MSH4: variants seen among roughly 807,000 people sequenced by gnomAD.
The protein encoded by MSH4 is mutS homolog 4, also known as mutS protein homolog 4.
Under a neutral mutation model 113.7 loss-of-function variants are expected in MSH4, and 106 were observed. The ratio of observed to expected loss-of-function variants is 0.93; its 90% CI spans 0.80 to 1.10. The LOEUF is 1.10. Among genes scored for constraint, MSH4 ranks in the 50% least tolerant of loss-of-function variants. MSH4 has a pLI of 0.00. For missense variants in MSH4, 1,061 were observed against 1,093.7 expected (o/e 0.97, Z 0.42); for synonymous variants, 368 against 380.2 (o/e 0.97, Z 0.37).
chr1:75,897,047 C>A (rs1652401187), intron 17 of MSH4, among the ~76,000 whole-genome samples: 1 of 152,076 alleles, frequency 6.6e-6, no homozygotes, highest in South Asian at 2.1e-4. Context: ...TTTTTACTGT[C>A]TTAATATTTA....
chr1:75,874,812 T>G (rs116244830), intron 9 of MSH4, among the ~76,000 whole-genome samples: 1 of 152,310 alleles, frequency 6.6e-6, no homozygotes, highest in East Asian at 1.9e-4. Flanking sequence ...GAAAAAATTA[T>G]GTCTGACATC....
chr1:75,894,425 G>C (rs746587397), intron 17 of MSH4, among the ~76,000 whole-genome samples: 1 of 152,228 alleles, frequency 6.6e-6, no homozygotes, highest in Admixed American at 6.5e-5. Flanking sequence ...GGAGCCTGCA[G>C]TCACCAAGAC....
At chr1:75,896,078 G>A (rs1222395594) in intron 17 of MSH4, among the ~76,000 whole-genome samples, 1 of 152,048 alleles carries the variant, frequency 6.6e-6, no homozygotes, top group Non-Finnish European at 1.5e-5. Flanking sequence ...CCAATAAATT[G>A]AAAGCCTGAA....
At position 75,833,500 on chromosome 1, in the gene MSH4, A is replaced by G. The variant is rs549362799; in HGVS notation, c.1162+10919A>G. 1.7e-3 allele frequency among the ~76,000 whole-genome samples: 261 copies of G among 152,332 alleles called. 1 individual carries two copies. The highest frequency in any genetic ancestry group is 5.8e-3 in the African/African-American group (241 of 41,572). ...CTGGACAATCCTAAACCAAAAGAAC[A>G]AAGATGGAGGCATCACGCTACATGA... On this transcript the variant is annotated intron_variant, in intron 7 of 19. Coordinates refer to ENST00000263187, the MANE Select transcript of MSH4 (RefSeq NM_002440.4).
At chr1:75,833,809 T>G (rs1223060801) in intron 7 of MSH4, among the ~76,000 whole-genome samples, 1 of 152,196 alleles carries the variant, frequency 6.6e-6, no homozygotes, top group Non-Finnish European at 1.5e-5. Flanking sequence ...ACGCAAATGT[T>G]AGACCTAAAA....
intron 7 of MSH4, among the ~76,000 whole-genome samples, chr1:75,825,160 C>T (rs1348067363): frequency 2.0e-5 from 3 of 151,948 alleles, no homozygotes; most frequent in Non-Finnish European, 1.5e-5. Context: ...TTGTAGTTCT[C>T]ATTGAAGAGG....
chr1:75,832,091 T>G (rs71656855), intron 7 of MSH4, among the ~76,000 whole-genome samples: 10,952 of 152,092 alleles, frequency 0.072, 523 homozygotes, highest in African/African-American at 0.13. Flanking sequence ...CAATAAAAAA[T>G]GATAAAGTGG....
In MSH4 at chr1:75,886,600, T is replaced by C. The variant is rs1652122807; in HGVS notation, c.2108-2651T>C. ...TATGTATAATATATAATGTATTATA[T>C]ATTATATAATGTATAATATATAAAT... On this transcript the variant is annotated intron_variant, in intron 15 of 19. Coordinates refer to ENST00000263187, the MANE Select transcript of MSH4 (RefSeq NM_002440.4). 2.4e-5 allele frequency among the ~76,000 whole-genome samples: 3 copies of C among 122,740 alleles called. No homozygotes were observed. The South Asian group carries it at 7.1e-4, about 29-fold the overall frequency. 80.5% of individuals were successfully genotyped at this position (122,740 alleles called of 152,430 possible). A position where few individuals can be genotyped will look rare whatever the true frequency, so the allele number is the denominator to read the frequency against.
chr1:75,825,498 A>G (rs1011210365), intron 7 of MSH4, among the ~76,000 whole-genome samples: 2 of 152,134 alleles, frequency 1.3e-5, no homozygotes, highest in African/African-American at 4.8e-5. Context: ...TTCCAATACT[A>G]TGTTGAATAG....
chr1:75,847,129 A>G (rs1393086386), intron 7 of MSH4, among the ~76,000 whole-genome samples: 1 of 152,174 alleles, frequency 6.6e-6, no homozygotes, highest in Non-Finnish European at 1.5e-5. Flanking sequence ...ACCCACTCTC[A>G]TGATAATAGC....
At chr1:75,874,180 T>C (rs879759463) in intron 9 of MSH4, among the ~76,000 whole-genome samples, 1 of 152,204 alleles carries the variant, frequency 6.6e-6, no homozygotes, top group Non-Finnish European at 1.5e-5. Context: ...ATCAGTGATA[T>C]TGAGCTTTTT....
Position 75,899,677 on chromosome 1 carries a change from A to G in MSH4, c.2590A>G (p.Ile864Val), listed in dbSNP as rs761184627. Reference protein sequence around the residue: ...PPSIVLDAKEITTQITRQILQ... With the variant: ...PPSIVLDAKEVTTQITRQILQ... ...ATCAATTGTCTTGGATGCCAAGGAA[A>G]TCACAACTCAAATTACGAGACAAAT... The change falls in exon 19 of 20, where the codon ATC (isoleucine) becomes GTC (valine). Residue 864 changes from isoleucine to valine, a missense_variant. By Grantham distance (29) the Ile-to-Val change is conservative. Transcript: ENST00000263187. The G allele has an allele frequency of 6.6e-7, 1 of 1,510,798 alleles. No individual in the cohort carries two copies. The highest frequency in any genetic ancestry group is 2.6e-5 in the East Asian group (1 of 38,560). 93.6% of individuals were successfully genotyped at this position (1,510,798 alleles called of 1,614,324 possible). A position where few individuals can be genotyped will look rare whatever the true frequency, so the allele number is the denominator to read the frequency against.
intron 19 of MSH4, among the ~76,000 whole-genome samples, chr1:75,906,812 T>C (rs1652667278): frequency 6.7e-6 from 1 of 149,916 alleles, no homozygotes; most frequent in Admixed American, 6.7e-5. Context: ...CTGTAGTTAC[T>C]ATTTTCATAA....
chr1:75,841,834 G>A (rs1650965570), intron 7 of MSH4, among the ~76,000 whole-genome samples: 2 of 152,126 alleles, frequency 1.3e-5, no homozygotes, highest in African/African-American at 2.4e-5. Context: ...TGTCATAATA[G>A]TATTGTGCCA....
At chr1:75,848,336 T>G (rs1473169416) in intron 8 of MSH4, 60 bp downstream of exon 8, 2 of 1,145,174 alleles carry the variant, frequency 1.7e-6, no homozygotes, top group Non-Finnish European at 2.6e-6. Context: ...GAACTTGTCT[T>G]AATGTAATGT....
chr1:75,810,970 C>T lies in MSH4; in HGVS notation c.699+163C>T, dbSNP rs929859508. 4.1e-4 allele frequency among the ~76,000 whole-genome samples: 62 copies of T among 152,200 alleles called. 1 individual carries two copies. Among genetic ancestry groups the T allele is most frequent in the African/African-American group, 1.4e-3 (59 of 41,548 alleles). ...TACTGCAACCTCCAGCTCCCGAGTT[C>T]GAGTGATTCTCCTGCCTCAGCCTCC... On this transcript the variant is annotated intron_variant, in intron 4 of 19. Coordinates refer to ENST00000263187, the MANE Select transcript of MSH4 (RefSeq NM_002440.4).
At chr1:75,889,430 A>T (rs1652201886) in intron 16 of MSH4, 61 bp downstream of exon 16, 2 of 699,036 alleles carry the variant, frequency 2.9e-6, no homozygotes, top group Non-Finnish European at 4.8e-6. Flanking sequence ...ATGGCCAGTT[A>T]TCACATAAAA....
At chr1:75,810,992 C>G (rs1158438189) in intron 4 of MSH4, among the ~76,000 whole-genome samples, 185 bp downstream of exon 4, 1 of 152,124 alleles carries the variant, frequency 6.6e-6, no homozygotes, top group Non-Finnish European at 1.5e-5. Flanking sequence ...CTGCCTCAGC[C>G]TCCCAAGTAG....
chr1:75,802,430 G>T (rs924610303), intron 1 of MSH4, among the ~76,000 whole-genome samples: 1 of 152,188 alleles, frequency 6.6e-6, no homozygotes, highest in African/African-American at 2.4e-5. Context: ...GAGAATTCAA[G>T]ATAGAGAGTT....
Sources: gnomAD v4.1 joint callset for allele counts (sites outside exome capture counted in the v4.1 genomes callset) on GRCh38, gnomAD v4.1.1 for gene constraint, MANE v1.5 for transcripts, NCBI Gene and HGNC (gene_info 2026-07-23, HGNC 2026-07-21) for gene names.